The following UGT1A9 variants were observed in gnomAD, a reference collection of about 807,000 sequenced individuals.
UGT1A9 encodes the protein UDP-glucuronosyltransferase 1A9.
Under a neutral mutation model 45.0 loss-of-function variants are expected in UGT1A9, and 35 were observed. That is an observed-to-expected ratio of 0.78 (90% CI 0.59 to 1.03). The LOEUF is 1.03. Ranked by LOEUF, UGT1A9 falls within the 50% of genes least tolerant of loss-of-function variation. The pLI is 0.00. For synonymous variants in UGT1A9, 278 were observed against 250.6 expected, an observed-to-expected ratio of 1.11 and a Z score of -1.03; for missense variants, 687 against 666.6, an observed-to-expected ratio of 1.03 and a Z score of -0.34.
At chr2:233,728,018 G>A (rs774114702) in intron 1 of UGT1A9, among the ~76,000 whole-genome samples, 4 of 152,350 alleles carry the variant, frequency 2.6e-5, no homozygotes, top group Non-Finnish European at 5.9e-5. Context: ...ACATGTGGGA[G>A]TGACTTTCTG....
At chr2:233,761,289 C>G in intron 1 of UGT1A9, 1 of 1,541,658 alleles carries the variant, frequency 6.5e-7, no homozygotes, top group Non-Finnish European at 8.8e-7. Context: ...ATTTTTGACT[C>G]CTAGGTTTGA....
rs557040072 is a variant in UGT1A9 at position 233,724,531 on chromosome 2, C to A, written c.856-42503C>A. ...CCTCACCTCCCAGATGGGGTCTCGCCGGGCAGAGGCGCTCCTCACATCCCA... is the reference window on the plus strand; with the variant it reads ...CCTCACCTCCCAGATGGGGTCTCGCAGGGCAGAGGCGCTCCTCACATCCCA... On this transcript the variant is annotated intron_variant, in intron 1 of 4. Transcript: ENST00000354728. 8.8e-3 allele frequency among the ~76,000 whole-genome samples: 1,074 copies of A among 121,634 alleles called. 62 individuals carry two copies. Among genetic ancestry groups the A allele is most frequent in the African/African-American group, 0.033 (990 of 29,780 alleles). 79.8% of individuals were successfully genotyped at this position (121,634 alleles called of 152,430 possible). A position where few individuals can be genotyped will look rare whatever the true frequency, so the allele number is the denominator to read the frequency against.
chr2:233,771,891 A>G (rs1700404574), intron 4 of UGT1A9, among the ~76,000 whole-genome samples: 1 of 145,462 alleles, frequency 6.9e-6, no homozygotes, highest in Admixed American at 7.2e-5. Context: ...TTTCTTAATT[A>G]TAACCTTTCA....
At chr2:233,767,722 A>T (rs1699460301) in intron 2 of UGT1A9, 127 bp from the exon 3 acceptor site, 6 of 1,548,124 alleles carry the variant, frequency 3.9e-6, no homozygotes, top group Middle Eastern at 3.4e-4. Flanking sequence ...CTTCACAGTT[A>T]CTGATCCTCC....
chr2:233,734,099 A>G (rs1454975810), intron 1 of UGT1A9, among the ~76,000 whole-genome samples: 11 of 151,694 alleles, frequency 7.3e-5, no homozygotes, highest in African/African-American at 2.7e-4. Flanking sequence ...TAAAACTTAA[A>G]GTATAATAAT....
intron 1 of UGT1A9, among the ~76,000 whole-genome samples, chr2:233,766,177 G>A (rs937937765): frequency 5.3e-5 from 8 of 152,156 alleles, no homozygotes; most frequent in African/African-American, 1.9e-4. Context: ...AGGATTTATT[G>A]AGTGGATGTA....
In UGT1A9 at chr2:233,743,718, G is replaced by A. The variant is rs751411472; in HGVS notation, c.856-23316G>A. The stretch of plus-strand genomic sequence containing the variant: ...CCCTCCGCCCCCGCCTCGCCATAGC[G>A]GTCATAGATATCGCGTTTCTTGGCG... On this transcript the variant is annotated intron_variant, in intron 1 of 4. Transcript: ENST00000354728. The A allele has an allele frequency of 1.2e-5, 16 of 1,367,210 alleles. No homozygotes were observed. In the East Asian group the frequency reaches 1.8e-4, roughly 16 times the overall value. 84.7% of individuals were successfully genotyped at this position (1,367,210 alleles called of 1,614,324 possible). A position where few individuals can be genotyped will look rare whatever the true frequency, so the allele number is the denominator to read the frequency against.
At chr2:233,759,379 A>G (rs6723506) in intron 1 of UGT1A9, among the ~76,000 whole-genome samples, 3,469 of 152,254 alleles carry the variant, frequency 0.023, 66 homozygotes, top group South Asian at 0.044. Flanking sequence ...ACAGGTTTTC[A>G]GGATACTCAG....
rs139693283 is a variant in UGT1A9 at position 233,697,582 on chromosome 2, T to C, written c.855+24793T>C. Among the ~76,000 whole-genome samples the C allele has an allele frequency of 3.1e-3, 475 of 152,066 alleles. 2 individuals are homozygous for C. Among genetic ancestry groups the C allele is most frequent in the Non-Finnish European group, 6.0e-3 (406 of 67,942 alleles). On this transcript the variant is annotated intron_variant, in intron 1 of 4. Coordinates refer to ENST00000354728, the MANE Select transcript of UGT1A9 (RefSeq NM_021027.3). ...GCCTCAATTTAATTTATTTTTTCCC[T>C]GATCTTTATTATTTCTTTCCTTCTA...
chr2:233,737,936 A>G (rs912128099), intron 1 of UGT1A9, among the ~76,000 whole-genome samples: 7 of 152,174 alleles, frequency 4.6e-5, no homozygotes, highest in Non-Finnish European at 8.8e-5. Flanking sequence ...TAGTGAGTCC[A>G]TTGACTGTTT....
chr2:233,759,291 G>A (rs2003569), intron 1 of UGT1A9, among the ~76,000 whole-genome samples: 24,209 of 152,142 alleles, frequency 0.16, 2,312 homozygotes, highest in African/African-American at 0.25. Flanking sequence ...TGATGAAGCT[G>A]AGCCCTGAGT....
At chr2:233,744,722 C>T (rs1486677492) in intron 1 of UGT1A9, among the ~76,000 whole-genome samples, 9 of 151,828 alleles carry the variant, frequency 5.9e-5, no homozygotes, top group Non-Finnish European at 1.2e-4. Flanking sequence ...GAGAGAATGA[C>T]GGTGAAAAAA....
rs188031736 is a variant in UGT1A9 at position 233,693,529 on chromosome 2, G to A, written c.855+20740G>A. The A allele has an allele frequency of 5.1e-5, 83 of 1,614,154 alleles. No homozygotes were observed. The Middle Eastern group carries it at 8.2e-4, about 16-fold the overall frequency. ...CTGTGTACCTCTTCAGGGGTTTTCC[G>A]TGTTCCCTGGAGCATACATTCAGCA... On this transcript the variant is annotated intron_variant, in intron 1 of 4. Transcript: ENST00000354728.
chr2:233,769,741 GCCACTC>G lies in UGT1A9; in HGVS notation c.1295+1303_1295+1308del. The G allele has an allele frequency of 6.9e-7, 1 of 1,452,214 alleles. No individual in the cohort carries two copies. Among genetic ancestry groups the G allele is most frequent in the Non-Finnish European group, 9.1e-7 (1 of 1,101,348 alleles). 90.0% of individuals were successfully genotyped at this position (1,452,214 alleles called of 1,614,324 possible). On this transcript the variant is annotated intron_variant, in intron 4 of 4. Coordinates refer to ENST00000354728, the MANE Select transcript of UGT1A9 (RefSeq NM_021027.3). The surrounding 1 kb of genome is among the most constrained non-coding windows in gnomAD (Gnocchi z 4.4). ...ACCATGGCACACGCCTGTAGTCCCA[GCCACTC>G]TGGAGGCTAAGGCGGGAGGATTGCT... is the stretch of plus-strand genomic sequence containing the variant.
rs1575628986 is a variant in UGT1A9 at position 233,739,340 on chromosome 2, A to AT, written c.856-27694_856-27693insT. 3.9e-5 allele frequency among the ~76,000 whole-genome samples: 6 copies of AT among 152,276 alleles called. No individual in the cohort carries two copies. In the East Asian group the frequency reaches 5.8e-4, roughly 15 times the overall value. On this transcript the variant is annotated intron_variant, in intron 1 of 4. Coordinates refer to ENST00000354728, the MANE Select transcript of UGT1A9 (RefSeq NM_021027.3). Reference sequence around the variant, plus strand: ...GAGAAGAAGGCCACAGTCCTTCAGAACCCAGAAGGGCAGATCCAATAGCTT... The same window carrying AT: ...GAGAAGAAGGCCACAGTCCTTCAGAATCCCAGAAGGGCAGATCCAATAGCTT...
chr2:233,694,608 C>A (rs546917039), intron 1 of UGT1A9, among the ~76,000 whole-genome samples: 2 of 152,332 alleles, frequency 1.3e-5, no homozygotes, highest in East Asian at 3.9e-4. Flanking sequence ...CTTCAGGCAA[C>A]TCCCTCTATC....
intron 1 of UGT1A9, chr2:233,729,317 A>G: frequency 6.2e-7 from 1 of 1,614,270 alleles, no homozygotes; most frequent in Non-Finnish European, 8.5e-7. Flanking sequence ...CTCACCCCAG[A>G]GGTGAATATG....
intron 1 of UGT1A9, among the ~76,000 whole-genome samples, chr2:233,678,993 A>G (rs12053462): frequency 0.18 from 27,826 of 152,210 alleles, 2,767 homozygotes; most frequent in Non-Finnish European, 0.23. Flanking sequence ...TCTTTCTATA[A>G]TAACAGTGGC....
chr2:233,708,956 T>C (rs1167417954), intron 1 of UGT1A9, among the ~76,000 whole-genome samples: 1 of 152,154 alleles, frequency 6.6e-6, no homozygotes, highest in African/African-American at 2.4e-5. Flanking sequence ...CATTTATATG[T>C]TTCCATTTCT....
Sources: allele counts gnomAD v4.1 joint callset (sites outside exome capture counted in the v4.1 genomes callset), GRCh38; gene constraint gnomAD v4.1.1; non-coding constraint Gnocchi (gnomAD v3.1); transcripts MANE v1.5; gene names NCBI Gene and HGNC (gene_info 2026-07-23, HGNC 2026-07-21).